The following SH3GL1 variants were observed in gnomAD, a reference collection of about 807,000 sequenced individuals.
The protein encoded by SH3GL1 is endophilin-A2.
A neutral mutation model predicts 48.8 loss-of-function variants in SH3GL1; 21 were observed. The ratio of observed to expected loss-of-function variants is 0.43; its 90% CI spans 0.30 to 0.62. The LOEUF is 0.62. SH3GL1 is among the 20% of genes least tolerant of loss of function. The pLI, the probability that SH3GL1 is intolerant of heterozygous loss-of-function variation, is 0.11. For missense variants in SH3GL1, 454 were observed against 503.0 expected (o/e 0.90, Z 0.93); for synonymous variants, 282 against 217.5 (o/e 1.30, Z -2.61).
chr19:4,394,286 G>A (rs557163852), intron 1 of SH3GL1, among the ~76,000 whole-genome samples: 8 of 152,190 alleles, frequency 5.3e-5, no homozygotes, highest in African/African-American at 1.9e-4. Context: ...CACACCAAGG[G>A]AACTTCTGAG....
rs563590965 is a variant in SH3GL1 at position 4,399,060 on chromosome 19, C to A, written c.45+1264G>T. ...AGTAGGCCAGGCAGGTGGCTTACGT[C>A]GATAATCCCAGCATGTTGGGAAGCC... On this transcript the variant is annotated intron_variant, in intron 1 of 9. Transcript: ENST00000269886. Among the ~76,000 whole-genome samples the A allele has an allele frequency of 2.6e-5, 4 of 152,260 alleles. No homozygotes were observed. In the South Asian group the frequency reaches 8.3e-4, roughly 32 times the overall value.
intron 1 of SH3GL1, among the ~76,000 whole-genome samples, chr19:4,375,222 G>A (rs1972983708): frequency 6.6e-6 from 1 of 151,896 alleles, no homozygotes; most frequent in African/African-American, 2.4e-5. Context: ...GAGCCAGCCG[G>A]GCCCTCCAGC....
At chr19:4,399,809 G>A (rs557020313) in intron 1 of SH3GL1, among the ~76,000 whole-genome samples, 137 of 152,380 alleles carry the variant, frequency 9.0e-4, no homozygotes, top group Non-Finnish European at 1.7e-3. Flanking sequence ...GACATACGGA[G>A]TCGATGACAG....
chr19:4,390,849 T>C (rs1008844244), intron 1 of SH3GL1, among the ~76,000 whole-genome samples: 6 of 151,834 alleles, frequency 4.0e-5, no homozygotes, highest in African/African-American at 1.5e-4. Flanking sequence ...GCTTCTCCTC[T>C]AAGCTCTGCC....
intron 1 of SH3GL1, among the ~76,000 whole-genome samples, chr19:4,386,886 C>T (rs924985425): frequency 2.0e-5 from 3 of 152,216 alleles, no homozygotes; most frequent in Admixed American, 1.3e-4. Context: ...GCATAAGGCA[C>T]GTGAATCACG....
intron 1 of SH3GL1, among the ~76,000 whole-genome samples, chr19:4,398,485 A>G (rs1440987692): frequency 6.6e-6 from 1 of 151,426 alleles, no homozygotes; most frequent in Admixed American, 6.6e-5. Flanking sequence ...CGGATTCAAG[A>G]GATTCTCCTG....
intron 4 of SH3GL1, among the ~76,000 whole-genome samples, chr19:4,364,888 G>A (rs1390372654): frequency 1.7e-3 from 167 of 96,874 alleles, no homozygotes; most frequent in African/African-American, 6.9e-3. Context: ...GTGTGTGTGT[G>A]TGTGTGTGTG....
At position 4,361,574 on chromosome 19, in the gene SH3GL1, AGGGGC is replaced by A. The variant is rs746350284; in HGVS notation, c.*21_*25del. The A allele has an allele frequency of 1.9e-5, 29 of 1,544,304 alleles. No homozygotes were observed. Among genetic ancestry groups the A allele is most frequent in the Admixed American group, 1.2e-4 (7 of 58,938 alleles). On this transcript the variant is annotated 3_prime_UTR_variant, in exon 10 of 10. Coordinates refer to ENST00000269886, the MANE Select transcript of SH3GL1 (RefSeq NM_003025.4). ...AGGGGGTGCCGGCCAGTGTGGACGG[AGGGGC>A]GGGGCGGGGACACGGGTGAGTCACT...
At chr19:4,363,536 C>T in intron 6 of SH3GL1, 63 bp from the exon 7 acceptor site, 1 of 1,532,912 alleles carries the variant, frequency 6.5e-7, no homozygotes, top group Non-Finnish European at 9.0e-7. Context: ...TTCCCTGACT[C>T]CCGAGGTGAA....
intron 1 of SH3GL1, among the ~76,000 whole-genome samples, chr19:4,369,973 C>T (rs1268577358): frequency 6.6e-6 from 1 of 152,266 alleles, no homozygotes; most frequent in Non-Finnish European, 1.5e-5. Context: ...GCGCCGGCCG[C>T]AAGCGCGGAA....
chr19:4,393,705 G>A (rs975507551), intron 1 of SH3GL1, among the ~76,000 whole-genome samples: 2 of 152,016 alleles, frequency 1.3e-5, no homozygotes, highest in African/African-American at 4.8e-5. Flanking sequence ...CAGAAGAATT[G>A]CTTGAACCCG....
chr19:4,391,954 T>C (rs1198481408), intron 1 of SH3GL1, among the ~76,000 whole-genome samples: 1 of 152,236 alleles, frequency 6.6e-6, no homozygotes, highest in Non-Finnish European at 1.5e-5. Context: ...CAGAGCTTCC[T>C]GCAAGAACGG....
chr19:4,370,815 T>C (rs1972884777), intron 1 of SH3GL1, among the ~76,000 whole-genome samples: 2 of 152,226 alleles, frequency 1.3e-5, no homozygotes, highest in African/African-American at 4.8e-5. Flanking sequence ...GAAGTCACTA[T>C]GGGAGAGGCC....
Position 4,361,305 on chromosome 19 carries a change from G to A in SH3GL1, c.*295C>T. On this transcript the variant is annotated 3_prime_UTR_variant, in exon 10 of 10. Transcript: ENST00000269886. The stretch of plus-strand genomic sequence containing the variant: ...GAGCACCTTAGTGTTGCCCCGCCTC[G>A]GCCAGCTGGGCGAGAAGTTGGGGAG... 5 of 486,354 alleles carry A rather than the reference G, an allele frequency of 1.0e-5. No individual in the cohort carries two copies. The highest frequency in any genetic ancestry group is 5.2e-5 in the South Asian group (2 of 38,450). The allele number at this position is 486,354 out of a possible 1,614,324, so 30.1% of individuals were successfully genotyped here. A position where few individuals can be genotyped will look rare whatever the true frequency, so the allele number is the denominator to read the frequency against.
chr19:4,362,586 C>T (rs369165956), intron 8 of SH3GL1, 26 bp downstream of exon 8: 92 of 1,612,662 alleles, frequency 5.7e-5, no homozygotes, highest in African/African-American at 6.7e-5. Flanking sequence ...CATTTGCCTC[C>T]GCAAGAGGGC....
chr19:4,386,104 T>TC (rs920805551), intron 1 of SH3GL1, among the ~76,000 whole-genome samples: 5 of 152,320 alleles, frequency 3.3e-5, no homozygotes, highest in African/African-American at 1.2e-4. Context: ...TCCAACCAGG[T>TC]CCCTGGGCTG....
intron 1 of SH3GL1, among the ~76,000 whole-genome samples, chr19:4,386,042 G>C (rs1386111613): frequency 6.6e-6 from 1 of 152,244 alleles, no homozygotes; most frequent in African/African-American, 2.4e-5. Context: ...CCTCAGGAGA[G>C]GATGAAGATG....
At chr19:4,366,389 G>A in intron 3 of SH3GL1, 112 bp downstream of exon 3, 1 of 812,312 alleles carries the variant, frequency 1.2e-6, no homozygotes, top group Non-Finnish European at 2.0e-6. Context: ...GGATCCAGCT[G>A]TGCCTGAAGC....
chr19:4,384,455 C>T (rs1466660383), intron 1 of SH3GL1, among the ~76,000 whole-genome samples: 6 of 152,178 alleles, frequency 3.9e-5, no homozygotes, highest in African/African-American at 1.4e-4. Flanking sequence ...TGTTTTTTTC[C>T]AGGCTAGGAC....
Sources: gnomAD v4.1 joint callset for allele counts (sites outside exome capture counted in the v4.1 genomes callset) on GRCh38, gnomAD v4.1.1 for gene constraint, MANE v1.5 for transcripts, NCBI Gene and HGNC (gene_info 2026-07-23, HGNC 2026-07-21) for gene names.